Variants in GNB2 observed in about 807,000 individuals in gnomAD.
GNB2 encodes the protein G protein subunit beta 2.
Under a neutral mutation model 40.7 loss-of-function variants are expected in GNB2, and 7 were observed. The observed-to-expected ratio is 0.17, with a 90% CI of 0.10 to 0.32. GNB2 has a LOEUF of 0.32. Ranked by LOEUF, GNB2 falls within the 10% of genes least tolerant of loss-of-function variation. The probability of loss-of-function intolerance (pLI) is 1.00; values close to 1 mark genes in which losing one functional copy is unlikely to be tolerated. For synonymous variants in GNB2, 254 were observed against 191.2 expected (o/e 1.33, Z -2.71); for missense variants, 286 against 473.0 (o/e 0.60, Z 3.67).
rs771831778 is a variant in GNB2, at chr7:100,678,193, C to A, written c.593C>A (p.Thr198Lys). 3 of 1,613,792 alleles carry A rather than the reference C, an allele frequency of 1.9e-6. No individual in the cohort carries two copies. Among genetic ancestry groups the A allele is most frequent in the African/African-American group, 2.7e-5 (2 of 75,058 alleles). Residue 198 changes from threonine to lysine, a missense_variant, in exon 8 of 10, where the codon ACG becomes AAG. Coordinates refer to ENST00000303210, the MANE Select transcript of GNB2 (RefSeq NM_005273.4). The part of the protein sequence containing the change: ...MSLSLAPDGR[T>K]FVSGACDASI... Reference sequence around the variant, plus strand: ...CTGTCCCTGGCCCCCGATGGCCGCACGTTTGTGTCAGGCGCCTGTGATGCC... The same window carrying A: ...CTGTCCCTGGCCCCCGATGGCCGCAAGTTTGTGTCAGGCGCCTGTGATGCC...
In GNB2 at chr7:100,676,172, C is replaced by T. The variant is rs931413028; in HGVS notation, c.-89-5C>T. 1.4e-6 allele frequency: 1 copy of T among 721,030 alleles called. No homozygotes were observed. The highest frequency in any genetic ancestry group is 2.3e-6 in the Non-Finnish European group (1 of 430,662). 44.7% of individuals were successfully genotyped at this position (721,030 alleles called of 1,614,324 possible). A position where few individuals can be genotyped will look rare whatever the true frequency, so the allele number is the denominator to read the frequency against. ...CGGGCCTGACGTCAGCCCTGCATCC[C>T]CCAGGCCTCGGGCCAGCGGCCAGGA... On this transcript the variant is annotated splice_region_variant and splice_polypyrimidine_tract_variant and intron_variant, in intron 1 of 9. Transcript: ENST00000303210.
In GNB2 at chr7:100,678,287, C is replaced by A. The variant is rs1238034366; in HGVS notation, c.687C>A (p.Ile229=). Residue 229 remains isoleucine (I), a synonymous_variant, in exon 8 of 10, where the codon ATC becomes ATA. Coordinates refer to ENST00000303210, the MANE Select transcript of GNB2 (RefSeq NM_005273.4). ...CCTTCATCGGCCATGAATCCGACAT[C>A]AATGCAGTGGCTGTGAGTTTTGGGG... is the stretch of plus-strand genomic sequence containing the variant. ...RQTFIGHESD[I]NAVAFFPNGY... 2 of 1,613,568 alleles carry A rather than the reference C, an allele frequency of 1.2e-6. No homozygotes were observed. Among genetic ancestry groups the A allele is most frequent in the East Asian group, 2.2e-5 (1 of 44,862 alleles).
chr7:100,676,809 T>TGTGC lies in GNB2; in HGVS notation c.203+12_203+15dup, dbSNP rs753327051. 2 of 1,515,324 alleles carry TGTGC rather than the reference T, an allele frequency of 1.3e-6. No homozygotes were observed. Among genetic ancestry groups the TGTGC allele is most frequent in the Non-Finnish European group, 1.8e-6 (2 of 1,111,400 alleles). 93.9% of individuals were successfully genotyped at this position (1,515,324 alleles called of 1,614,324 possible). The stretch of plus-strand genomic sequence containing the variant: ...GGGGGACCGACTCAAGGTGTGTGTG[T>TGTGC]GTGCGCGGGCTGGCGCTGTGGGCCG... On this transcript the variant is annotated intron_variant, in intron 4 of 9. Transcript: ENST00000303210.
At chr7:100,678,367 C>T (rs746905977) in intron 8 of GNB2, 31 bp from the exon 9 acceptor site, 4 of 1,606,636 alleles carry the variant, frequency 2.5e-6, no homozygotes, top group South Asian at 2.2e-5. Context: ...TCACCCTCAC[C>T]CTCACCCCAT....
At position 100,676,242 on chromosome 7, in the gene GNB2, A is replaced by G; in HGVS notation, c.-24A>G. The G allele has an allele frequency of 1.3e-6, 2 of 1,567,272 alleles. No individual in the cohort carries two copies. The highest frequency in any genetic ancestry group is 2.3e-5 in the East Asian group (1 of 43,602). On this transcript the variant is annotated 5_prime_UTR_variant, in exon 2 of 10. Coordinates refer to ENST00000303210, the MANE Select transcript of GNB2 (RefSeq NM_005273.4). ...GTCCCGCGGCCCCCAGCCGCCCCCA[A>G]CCCTGCCCCACGGGCCCGGCGCCAT...
In GNB2 at chr7:100,678,314, G is replaced by A. The variant is rs768416926; in HGVS notation, c.699+15G>A. ...ATGCAGTGGCTGTGAGTTTTGGGGC[G>A]AGCTAGGCCAGGCCCTCCCCACCAG... On this transcript the variant is annotated intron_variant, in intron 8 of 9. Transcript: ENST00000303210. The A allele has an allele frequency of 7.4e-6, 12 of 1,611,102 alleles. No homozygotes were observed. In the East Asian group the frequency reaches 1.3e-4, roughly 18 times the overall value.
rs184618870 is a variant in GNB2 at position 100,673,847 on chromosome 7, G to T, written c.-166G>T. The T allele has an allele frequency of 6.7e-4, 123 of 182,584 alleles. No homozygotes were observed. The highest frequency in any genetic ancestry group is 1.7e-3 in the African/African-American group (69 of 39,644). 11.3% of individuals were successfully genotyped at this position (182,584 alleles called of 1,614,324 possible). A position where few individuals can be genotyped will look rare whatever the true frequency, so the allele number is the denominator to read the frequency against. ...CGCCGCCGCCGCCGCCGCCGCCGCC[G>T]CCGCCTCCGCCGCGGAGGAAGACAG... On this transcript the variant is annotated 5_prime_UTR_variant, in exon 1 of 10. Transcript: ENST00000303210.
At chr7:100,674,493 CCAG>C (rs1804308536) in intron 1 of GNB2, among the ~76,000 whole-genome samples, 1 of 151,938 alleles carries the variant, frequency 6.6e-6, no homozygotes, top group Non-Finnish European at 1.5e-5. Context: ...CACCCCAAGC[CCAG>C]CTCCCAGGCG....
rs1804380214 is a variant in GNB2 at position 100,677,640 on chromosome 7, G to A, written c.410G>A (p.Arg137Gln). Reference protein sequence around the residue: ...KTREGNVRVSRELPGHTGYLS... With the variant: ...KTREGNVRVSQELPGHTGYLS... ...CGCGAGGGCAACGTCAGGGTCAGCCGGGAGCTGCCTGGCCACACTGGTGAG... is the reference window on the plus strand; with the variant it reads ...CGCGAGGGCAACGTCAGGGTCAGCCAGGAGCTGCCTGGCCACACTGGTGAG... Residue 137 changes from arginine (R) to glutamine (Q), a missense_variant, in exon 6 of 10, where the codon CGG (arginine) becomes CAG (glutamine). Physicochemically the swap from Arg to Gln is conservative, Grantham distance 43. Coordinates refer to ENST00000303210, the MANE Select transcript of GNB2 (RefSeq NM_005273.4). 1.9e-6 allele frequency: 3 copies of A among 1,613,448 alleles called. No homozygotes were observed. The highest frequency in any genetic ancestry group is 1.1e-5 in the South Asian group (1 of 91,080).
intron 2 of GNB2, 57 bp from the exon 3 acceptor site, chr7:100,676,478 C>T (rs1804350348): frequency 1.4e-6 from 2 of 1,471,470 alleles, no homozygotes; most frequent in Non-Finnish European, 1.9e-6. Context: ...CTCTTCTCTC[C>T]CTTTCCTCCC....
At chr7:100,674,298 C>T (rs562389365) in intron 1 of GNB2, among the ~76,000 whole-genome samples, 71 of 137,518 alleles carry the variant, frequency 5.2e-4, no homozygotes, top group African/African-American at 1.8e-3. Flanking sequence ...CCCCTCGTGT[C>T]CTCCACTGTC....
chr7:100,677,281 C>T, intron 4 of GNB2, 71 bp from the exon 5 acceptor site: 1 of 1,237,534 alleles, frequency 8.1e-7, no homozygotes, highest in Non-Finnish European at 1.2e-6. Context: ...TACCTTCTCC[C>T]ACCCAAAGGG....
intron 2 of GNB2, 104 bp from the exon 3 acceptor site, chr7:100,676,431 G>A: frequency 7.6e-7 from 1 of 1,308,878 alleles, no homozygotes; most frequent in South Asian, 1.2e-5. Context: ...CCCCTTAATG[G>A]CTCAGAATCT....
chr7:100,675,380 G>C (rs1804326323), intron 1 of GNB2: 1 of 151,980 alleles, frequency 6.6e-6, no homozygotes, highest in Non-Finnish European at 1.5e-5. Context: ...CTTCCCCGCC[G>C]CTGTCACCCC....
At chr7:100,676,401 G>T in intron 2 of GNB2, 79 bp downstream of exon 2, 2 of 1,338,034 alleles carry the variant, frequency 1.5e-6, no homozygotes, top group East Asian at 2.3e-5. Context: ...GGGTGTTGGT[G>T]GGGGAAGGGG....
rs1584479096 is a variant in GNB2 at position 100,677,337 on chromosome 7, A to G, written c.204-15A>G. On this transcript the variant is annotated splice_polypyrimidine_tract_variant and intron_variant, in intron 4 of 9. Coordinates refer to ENST00000303210, the MANE Select transcript of GNB2 (RefSeq NM_005273.4). ...CACGCCACCCTTCTGCTCTCCCTAC[A>G]CCGTTCCCCACCAGGCTGCTGGTCA... The G allele has an allele frequency of 1.2e-6, 2 of 1,611,124 alleles. No homozygotes were observed. Among genetic ancestry groups the G allele is most frequent in the Non-Finnish European group, 8.5e-7 (1 of 1,177,472 alleles).
At position 100,677,742 on chromosome 7, in the gene GNB2, C is replaced by T. The variant is rs776306316; in HGVS notation, c.431-10C>T. 5.6e-6 allele frequency: 9 copies of T among 1,613,646 alleles called. No individual in the cohort carries two copies. The highest frequency in any genetic ancestry group is 5.3e-5 in the African/African-American group (4 of 74,938). On this transcript the variant is annotated splice_polypyrimidine_tract_variant and intron_variant, in intron 6 of 9. Coordinates refer to ENST00000303210, the MANE Select transcript of GNB2 (RefSeq NM_005273.4). ...CGTGTGGAGACCTGGCTGACCAGCTCCTTCCCCAGGGTACCTGTCGTGTTG... is the reference window on the plus strand; with the variant it reads ...CGTGTGGAGACCTGGCTGACCAGCTTCTTCCCCAGGGTACCTGTCGTGTTG...
At chr7:100,674,395 C>T (rs1804306406) in intron 1 of GNB2, among the ~76,000 whole-genome samples, 1 of 152,188 alleles carries the variant, frequency 6.6e-6, no homozygotes, top group Non-Finnish European at 1.5e-5. Flanking sequence ...TCGTCTCCAC[C>T]CTACCCACGA....
chr7:100,673,803 G>C lies in GNB2; in HGVS notation c.-210G>C, dbSNP rs1804290951. On this transcript the variant is annotated 5_prime_UTR_variant, in exon 1 of 10. Transcript: ENST00000303210. Reference sequence around the variant, plus strand: ...CTGGCGGCGGGGCTGGGGCCACTGAGGAAATCCATCCGCGCCGCCGCCGCC... The same window carrying C: ...CTGGCGGCGGGGCTGGGGCCACTGACGAAATCCATCCGCGCCGCCGCCGCC... 1 of 181,352 alleles carries C rather than the reference G, an allele frequency of 5.5e-6. No individual in the cohort carries two copies. The highest frequency in any genetic ancestry group is 1.6e-4 in the South Asian group (1 of 6,410). The allele number at this position is 181,352 out of a possible 1,614,324, so 11.2% of individuals were successfully genotyped here. A position where few individuals can be genotyped will look rare whatever the true frequency, so the allele number is the denominator to read the frequency against.
Sources: allele counts gnomAD v4.1 joint callset (sites outside exome capture counted in the v4.1 genomes callset), GRCh38; gene constraint gnomAD v4.1.1; transcripts MANE v1.5; gene names NCBI Gene and HGNC (gene_info 2026-07-23, HGNC 2026-07-21).